The following DAB2IP variants were observed in gnomAD, a reference collection of about 807,000 sequenced individuals.
DAB2IP encodes disabled homolog 2-interacting protein.
Under a neutral mutation model 107.2 loss-of-function variants are expected in DAB2IP, and 28 were observed. The ratio of observed to expected loss-of-function variants is 0.26; its 90% confidence interval spans 0.19 to 0.36. The LOEUF (loss-of-function observed/expected upper bound fraction) is 0.36, where lower values mean the gene tolerates loss of function less well. Among genes scored for constraint, DAB2IP ranks in the 10% least tolerant of loss-of-function variants. The pLI, the probability that DAB2IP is intolerant of heterozygous loss-of-function variation, is 1.00. For missense variants in DAB2IP, 1,400 were observed against 1,644.7 expected (o/e 0.85, Z 2.57); for synonymous variants, 755 against 706.4 (o/e 1.07, Z -1.09).
intron 1 of DAB2IP, among the ~76,000 whole-genome samples, chr9:121,666,602 TG>T (rs1213383566): frequency 6.6e-6 from 1 of 151,226 alleles, no homozygotes; most frequent in African/African-American, 2.4e-5. Context: ...GTCGGCGGGT[TG>T]GGGGGCCAGG....
intron 1 of DAB2IP, among the ~76,000 whole-genome samples, chr9:121,628,070 ATTCCTGCCATGCACC>A (rs1472163895): frequency 6.6e-6 from 1 of 152,216 alleles, no homozygotes; most frequent in Admixed American, 6.5e-5. Flanking sequence ...CACTGCTGTT[ATTCCTGCCATGCACC>A]TGGAGCAGAG....
At chr9:121,686,138 G>A (rs971173259) in intron 2 of DAB2IP, among the ~76,000 whole-genome samples, 1 of 152,184 alleles carries the variant, frequency 6.6e-6, no homozygotes, top group East Asian at 1.9e-4. Context: ...GGGTTGGGGG[G>A]ACAAGCAAAT....
chr9:121,623,774 G>A (rs187923299), intron 1 of DAB2IP, among the ~76,000 whole-genome samples: 4 of 151,814 alleles, frequency 2.6e-5, no homozygotes, highest in Admixed American at 2.6e-4. Flanking sequence ...TGCCACCTCC[G>A]CCTCCTGGGT....
At chr9:121,770,131 A>C (rs558140771) in intron 10 of DAB2IP, among the ~76,000 whole-genome samples, 1 of 152,342 alleles carries the variant, frequency 6.6e-6, no homozygotes, top group Non-Finnish European at 1.5e-5. Flanking sequence ...CTCAGGTGCC[A>C]AGGTGGGTCA....
chr9:121,711,903 G>A (rs1830353448), intron 3 of DAB2IP, among the ~76,000 whole-genome samples: 4 of 152,264 alleles, frequency 2.6e-5, no homozygotes, highest in Middle Eastern at 3.4e-3. Flanking sequence ...CTGGCAGCTT[G>A]GGCTCTGGGC....
intron 1 of DAB2IP, among the ~76,000 whole-genome samples, chr9:121,607,745 A>G (rs537632177): frequency 1.3e-5 from 2 of 152,344 alleles, no homozygotes; most frequent in East Asian, 1.9e-4. Flanking sequence ...GTGACCCTGG[A>G]GCAAGACCAA....
exon 16 of DAB2IP, chr9:121,784,306 C>T (rs551003726): frequency 3.9e-5 from 6 of 153,650 alleles, no homozygotes; most frequent in Non-Finnish European, 8.7e-5. Context: ...GCCACACAGG[C>T]AGGGCCTGGC....
chr9:121,690,205 A>C (rs1829093794), intron 2 of DAB2IP, among the ~76,000 whole-genome samples: 1 of 151,992 alleles, frequency 6.6e-6, no homozygotes. Context: ...AGACTTATAG[A>C]CTCCAAACGT....
At chr9:121,707,578 A>G (rs1830123428) in intron 3 of DAB2IP, among the ~76,000 whole-genome samples, 1 of 152,234 alleles carries the variant, frequency 6.6e-6, no homozygotes, top group Non-Finnish European at 1.5e-5. Context: ...CCTGATTGTA[A>G]AAGAGTGCAC....
Position 121,699,438 on chromosome 9 carries a change from C to G in DAB2IP, c.342C>G (p.Ala114=). Residue 114 remains alanine, a synonymous_variant, in exon 3 of 16, where the codon GCC becomes GCG. Coordinates refer to ENST00000408936, the Ensembl canonical transcript of DAB2IP. This position sits in a 1 kb window ranked among gnomAD's most constrained non-coding sequence, Gnocchi z 6.2. ...TGCCGGGGTTCCGGAGCGCCGCCGC[C>G]GCCGCCGCGGACAATGAGAGGTGAG... The G allele has an allele frequency of 1.4e-6, 2 of 1,445,244 alleles. No individual in the cohort carries two copies. Among genetic ancestry groups the G allele is most frequent in the Non-Finnish European group, 1.8e-6 (2 of 1,087,326 alleles). The allele number at this position is 1,445,244 out of a possible 1,614,324, so 89.5% of individuals were successfully genotyped here.
chr9:121,780,863 G>A (rs1369184165), intron 14 of DAB2IP, among the ~76,000 whole-genome samples: 4 of 152,150 alleles, frequency 2.6e-5, no homozygotes, highest in African/African-American at 4.8e-5. Context: ...TCCTTCAGAT[G>A]TCTCCTACTG....
In DAB2IP at chr9:121,674,908, G is replaced by T. The variant is rs192828602; in HGVS notation, c.125-3770G>T. On this transcript the variant is annotated intron_variant, in intron 1 of 15. Coordinates refer to ENST00000408936, the Ensembl canonical transcript of DAB2IP. ...GTGTGTGTGTGTGGTGTGTGTGTGT[G>T]TATGTGTCAGGAGAGGGAGGGTAGT... is the stretch of plus-strand genomic sequence containing the variant. Among the ~76,000 whole-genome samples, 6 of 152,156 alleles carry T rather than the reference G, an allele frequency of 3.9e-5. No homozygotes were observed. The East Asian group carries it at 1.2e-3, about 29-fold the overall frequency.
intron 1 of DAB2IP, among the ~76,000 whole-genome samples, chr9:121,569,767 G>A (rs1430264580): frequency 6.6e-6 from 1 of 152,252 alleles, no homozygotes; most frequent in African/African-American, 2.4e-5. Flanking sequence ...GCTACAGTGA[G>A]CCAAGATCAC....
exon 16 of DAB2IP, chr9:121,783,611 A>C: frequency 6.3e-7 from 1 of 1,590,708 alleles, no homozygotes; most frequent in Non-Finnish European, 8.6e-7. Flanking sequence ...TGCGCACTGC[A>C]TGGGAAATAG....
chr9:121,734,626 C>A (rs1831763878), intron 3 of DAB2IP, among the ~76,000 whole-genome samples: 1 of 152,148 alleles, frequency 6.6e-6, no homozygotes, highest in African/African-American at 2.4e-5. Flanking sequence ...GCCCTGTTTT[C>A]TTATAACAAG....
At chr9:121,695,639 C>T (rs1229264921) in intron 2 of DAB2IP, among the ~76,000 whole-genome samples, 2 of 152,038 alleles carry the variant, frequency 1.3e-5, no homozygotes, top group Non-Finnish European at 2.9e-5. Flanking sequence ...TGGGATACAG[C>T]CAGGCCTTAG....
intron 1 of DAB2IP, among the ~76,000 whole-genome samples, chr9:121,638,599 G>A (rs1164724297): frequency 6.6e-6 from 1 of 152,240 alleles, no homozygotes; most frequent in African/African-American, 2.4e-5. Context: ...AGAGAGCTGT[G>A]GCAGGGAAGG....
chr9:121,758,850 T>C (rs771874753), intron 4 of DAB2IP, 48 bp from the exon 5 acceptor site: 9 of 1,564,488 alleles, frequency 5.8e-6, no homozygotes, highest in Non-Finnish European at 7.9e-6. Flanking sequence ...CTGCCTGCCC[T>C]TGCTGTGGTC....
chr9:121,704,843 A>G (rs958852675), intron 3 of DAB2IP, among the ~76,000 whole-genome samples: 5 of 152,224 alleles, frequency 3.3e-5, no homozygotes, highest in African/African-American at 1.2e-4. Flanking sequence ...CTCTATGGCC[A>G]GGAAAACTGA....
Sources: gnomAD v4.1 joint callset for allele counts (sites outside exome capture counted in the v4.1 genomes callset) on GRCh38, gnomAD v4.1.1 for gene constraint, Gnocchi (gnomAD v3.1) non-coding constraint, MANE v1.5 for transcripts, NCBI Gene and HGNC (gene_info 2026-07-23, HGNC 2026-07-21) for gene names.